SH3RF3: variants seen among roughly 807,000 people sequenced by gnomAD.
SH3RF3 encodes the protein SH3 domain containing ring finger 3.
In SH3RF3, 29 loss-of-function variants were observed where a neutral mutation model predicts 66.3. The observed-to-expected ratio is 0.44, with a 90% CI of 0.33 to 0.60. The LOEUF is 0.60. SH3RF3 is among the 20% of genes least tolerant of loss of function. The pLI, the probability that SH3RF3 is intolerant of heterozygous loss-of-function variation, is 0.04. For synonymous variants in SH3RF3, 583 were observed against 532.0 expected, an observed-to-expected ratio of 1.10 and a Z score of -1.32; for missense variants, 1,194 against 1,190.9, an observed-to-expected ratio of 1.00 and a Z score of -0.04.
chr2:109,434,700 G>A (rs6714592), intron 6 of SH3RF3, among the ~76,000 whole-genome samples: 2,301 of 152,272 alleles, frequency 0.015, 62 homozygotes, highest in African/African-American at 0.053. Context: ...CTCTGCCCAC[G>A]GTGTCATCCC....
chr2:109,368,493 A>G (rs1461672328), intron 2 of SH3RF3, among the ~76,000 whole-genome samples: 1 of 152,144 alleles, frequency 6.6e-6, no homozygotes, highest in Non-Finnish European at 1.5e-5. Context: ...TATTGCTGGT[A>G]TATGAGAAAG....
In SH3RF3 at chr2:109,439,397, G is replaced by A. The variant is rs112652007; in HGVS notation, c.1828+2251G>A. On this transcript the variant is annotated intron_variant, in intron 7 of 9. Transcript: ENST00000309415. ...AAATTAAATGCCACTGAGTTCCTGC[G>A]GCATTTTCCACTTCATTCTGCATTT... Among the ~76,000 whole-genome samples, 28 of 152,190 alleles carry A rather than the reference G, an allele frequency of 1.8e-4. 1 individual carries two copies. Among genetic ancestry groups the A allele is most frequent in the African/African-American group, 5.5e-4 (23 of 41,520 alleles).
At chr2:109,193,511 C>T (rs189041496) in intron 1 of SH3RF3, among the ~76,000 whole-genome samples, 3 of 152,260 alleles carry the variant, frequency 2.0e-5, no homozygotes, top group Admixed American at 6.5e-5. Context: ...ATACAGTTTG[C>T]GGCCTTTTTA....
chr2:109,202,574 T>C (rs541273255), intron 1 of SH3RF3, among the ~76,000 whole-genome samples: 2 of 152,366 alleles, frequency 1.3e-5, no homozygotes, highest in Non-Finnish European at 2.9e-5. Flanking sequence ...GCAGTGATTA[T>C]TCTTTAAAAA....
intron 8 of SH3RF3, among the ~76,000 whole-genome samples, chr2:109,485,804 G>T (rs955403784): frequency 2.6e-5 from 4 of 152,232 alleles, no homozygotes; most frequent in African/African-American, 9.6e-5. Flanking sequence ...TCAGTGTTCC[G>T]TGCCTGGGCA....
chr2:109,275,574 A>G (rs1457761567), intron 1 of SH3RF3, among the ~76,000 whole-genome samples: 3 of 152,310 alleles, frequency 2.0e-5, no homozygotes, highest in Middle Eastern at 3.4e-3. Context: ...TGAGCACTCA[A>G]AAGAGTGCCC....
At chr2:109,162,414 T>A (rs1677510238) in intron 1 of SH3RF3, among the ~76,000 whole-genome samples, 1 of 152,188 alleles carries the variant, frequency 6.6e-6, no homozygotes, top group Non-Finnish European at 1.5e-5. Context: ...TTTATTTATT[T>A]TTAATTTTTT....
At chr2:109,360,761 A>C (rs150032724) in intron 2 of SH3RF3, among the ~76,000 whole-genome samples, 4 of 152,348 alleles carry the variant, frequency 2.6e-5, no homozygotes, top group Non-Finnish European at 2.9e-5. Flanking sequence ...TGTCATCTGT[A>C]AACAAAGGCA....
intron 1 of SH3RF3, among the ~76,000 whole-genome samples, chr2:109,302,453 C>T (rs896892250): frequency 3.3e-5 from 5 of 152,234 alleles, no homozygotes; most frequent in African/African-American, 1.2e-4. Context: ...CCAGGAATAA[C>T]CAGGCACAAC....
intron 8 of SH3RF3, among the ~76,000 whole-genome samples, chr2:109,490,365 C>A (rs919966245): frequency 6.6e-6 from 1 of 152,202 alleles, no homozygotes; most frequent in Non-Finnish European, 1.5e-5. Flanking sequence ...CCTGGTGTGC[C>A]TGCAAGCGTC....
In SH3RF3 at chr2:109,490,710, G is replaced by T; in HGVS notation, c.2254G>T (p.Val752Leu). The T allele has an allele frequency of 6.5e-7, 1 of 1,534,200 alleles. No individual in the cohort carries two copies. Among genetic ancestry groups the T allele is most frequent in the Non-Finnish European group, 8.7e-7 (1 of 1,144,702 alleles). ...VSPTHDPQVA[V>L]DALLQGAVGP... is the part of the protein sequence containing the mutation. The stretch of plus-strand genomic sequence containing the variant: ...TCCAACCCACGACCCCCAGGTGGCC[G>T]TGGACGCCCTGCTCCAAGGTGCAGT... Residue 752 changes from valine to leucine, a missense_variant, in exon 9 of 10, where the codon GTG becomes TTG. Coordinates refer to ENST00000309415, the MANE Select transcript of SH3RF3 (RefSeq NM_001099289.3).
At chr2:109,409,922 G>T (rs1676542590) in intron 4 of SH3RF3, among the ~76,000 whole-genome samples, 1 of 152,104 alleles carries the variant, frequency 6.6e-6, no homozygotes, top group Admixed American at 6.5e-5. Flanking sequence ...GTGTTTTCTG[G>T]ACTTACATTA....
chr2:109,315,996 T>C (rs1209821723), intron 1 of SH3RF3, among the ~76,000 whole-genome samples: 1 of 152,220 alleles, frequency 6.6e-6, no homozygotes, highest in Non-Finnish European at 1.5e-5. Flanking sequence ...TGTGAGATTA[T>C]ATGTGCATGC....
intron 1 of SH3RF3, among the ~76,000 whole-genome samples, chr2:109,172,819 G>A (rs1677818709): frequency 6.6e-6 from 1 of 152,254 alleles, no homozygotes; most frequent in South Asian, 2.1e-4. Flanking sequence ...GTGCCAGCAC[G>A]AAGCCTCGAC....
At chr2:109,430,213 G>C (rs562305390) in intron 5 of SH3RF3, among the ~76,000 whole-genome samples, 1 of 152,222 alleles carries the variant, frequency 6.6e-6, no homozygotes, top group Admixed American at 6.5e-5. Context: ...GAGCCAACCC[G>C]GCTGCGCATT....
At chr2:109,267,830 G>A (rs138479766) in intron 1 of SH3RF3, among the ~76,000 whole-genome samples, 4,028 of 152,298 alleles carry the variant, frequency 0.026, 85 homozygotes, top group South Asian at 0.066. Context: ...CTGTGGTCGG[G>A]CAATGGGGCC....
intron 1 of SH3RF3, among the ~76,000 whole-genome samples, chr2:109,227,527 C>G (rs925421486): frequency 6.6e-6 from 1 of 152,184 alleles, no homozygotes; most frequent in Non-Finnish European, 1.5e-5. Flanking sequence ...TGTGGGCTCC[C>G]GGGTCTGCCT....
At chr2:109,411,637 G>A (rs1228334944) in intron 4 of SH3RF3, among the ~76,000 whole-genome samples, 2 of 152,162 alleles carry the variant, frequency 1.3e-5, no homozygotes, top group Non-Finnish European at 2.9e-5. Flanking sequence ...TGAGGGCAGA[G>A]CCCAGCCCAG....
chr2:109,418,033 A>G (rs1275133767), intron 4 of SH3RF3, among the ~76,000 whole-genome samples: 1 of 151,988 alleles, frequency 6.6e-6, no homozygotes, highest in Non-Finnish European at 1.5e-5. Context: ...CTCTGCTTGT[A>G]GTGCCTTTCG....
Sources: gnomAD v4.1 joint callset for allele counts (sites outside exome capture counted in the v4.1 genomes callset) on GRCh38, gnomAD v4.1.1 for gene constraint, MANE v1.5 for transcripts, NCBI Gene and HGNC (gene_info 2026-07-23, HGNC 2026-07-21) for gene names.